The following STAT5B variants were observed in gnomAD, a reference collection of about 807,000 sequenced individuals.
STAT5B encodes the protein transcription factor STAT5B.
STAT5B carries 21 observed loss-of-function variants against 107.8 expected under a neutral mutation model. The ratio of observed to expected loss-of-function variants is 0.19; its 90% CI spans 0.14 to 0.28. The LOEUF is 0.28. STAT5B is among the 10% of genes least tolerant of loss of function. The pLI, the probability that STAT5B is intolerant of heterozygous loss-of-function variation, is 1.00. For missense variants in STAT5B, 565 were observed against 1,008.2 expected, an observed-to-expected ratio of 0.56 and a Z score of 5.95; for synonymous variants, 325 against 401.7, an observed-to-expected ratio of 0.81 and a Z score of 2.28.
intron 2 of STAT5B, 79 bp downstream of exon 2, chr17:42,231,921 C>T: frequency 6.3e-7 from 1 of 1,576,740 alleles, no homozygotes; most frequent in Non-Finnish European, 8.7e-7. Context: ...TTGAAAGTTG[C>T]CATCATGACA....
rs2080040850 is a variant in STAT5B, at chr17:42,201,201, AGG to A, written c.*535_*536del. Reference sequence around the variant, plus strand: ...AGAACACAGGGGTGGGGGAGAGGGAAGGCTCTCTTTGTCAAAAAGCAGTTATC... The same window carrying A: ...AGAACACAGGGGTGGGGGAGAGGGAACTCTCTTTGTCAAAAAGCAGTTATC... On this transcript the variant is annotated 3_prime_UTR_variant, in exon 19 of 19. Transcript: ENST00000293328. 1.4e-5 allele frequency: 6 copies of A among 415,626 alleles called. No homozygotes were observed. Among genetic ancestry groups the A allele is most frequent in the African/African-American group, 1.0e-4 (5 of 48,944 alleles). The allele number at this position is 415,626 out of a possible 1,614,324, so 25.7% of individuals were successfully genotyped here.
intron 1 of STAT5B, among the ~76,000 whole-genome samples, chr17:42,253,386 AAAGT>A (rs1476033817): frequency 6.6e-6 from 1 of 152,238 alleles, no homozygotes; most frequent in East Asian, 1.9e-4. Context: ...AAAGAAAACC[AAAGT>A]AAGTGCCAAT....
At position 42,202,768 on chromosome 17, in the gene STAT5B, T is replaced by C. The variant is rs777259731; in HGVS notation, c.2118A>G (p.Gln706=). 22 of 1,614,020 alleles carry C rather than the reference T, an allele frequency of 1.4e-5. No individual in the cohort carries two copies. The Middle Eastern group carries it at 6.6e-4, about 49-fold the overall frequency. The change falls in exon 17 of 19, where the codon CAA becomes CAG. Residue 706 remains glutamine, a synonymous_variant. Coordinates refer to ENST00000293328, the MANE Select transcript of STAT5B (RefSeq NM_012448.4). The stretch of plus-strand genomic sequence containing the variant: ...ACCTGGACACTTACTCAGGGACCAC[T>C]TGCTTGATCTGTGGCTTCACGTATC... ...VDGYVKPQIK[Q]VVPEFVNASA...
intron 1 of STAT5B, among the ~76,000 whole-genome samples, chr17:42,242,913 A>T (rs2080416551): frequency 6.6e-6 from 1 of 152,080 alleles, no homozygotes; most frequent in Non-Finnish European, 1.5e-5. Flanking sequence ...TGTTAAACAG[A>T]TGCTTGAAGG....
intron 12 of STAT5B, among the ~76,000 whole-genome samples, chr17:42,212,589 C>T (rs1356196465): frequency 2.0e-5 from 3 of 152,170 alleles, no homozygotes; most frequent in African/African-American, 4.8e-5. Flanking sequence ...GCACACGTGT[C>T]GGCATGTGTG....
At chr17:42,214,140 C>G (rs2080152341) in intron 12 of STAT5B, 2 of 893,838 alleles carry the variant, frequency 2.2e-6, no homozygotes, top group South Asian at 1.0e-4. Flanking sequence ...AAGACTCTGT[C>G]TCAAAAAAAT....
At chr17:42,240,333 T>G (rs1322023602) in intron 1 of STAT5B, among the ~76,000 whole-genome samples, 1 of 152,208 alleles carries the variant, frequency 6.6e-6, no homozygotes, top group East Asian at 1.9e-4. Context: ...AGGAATGAAG[T>G]ACTGACGCAT....
intron 4 of STAT5B, among the ~76,000 whole-genome samples, chr17:42,224,298 C>T (rs140015518): frequency 4.5e-4 from 68 of 152,124 alleles, no homozygotes; most frequent in African/African-American, 1.6e-3. Context: ...TGGTTGCAAT[C>T]TCATCAAGGT....
Position 42,201,550 on chromosome 17 carries a change from A to T in STAT5B, c.*188T>A, listed in dbSNP as rs934438783. 1 of 667,968 alleles carries T rather than the reference A, an allele frequency of 1.5e-6. No homozygotes were observed. Among genetic ancestry groups the T allele is most frequent in the Admixed American group, 2.1e-5 (1 of 48,496 alleles). The allele number at this position is 667,968 out of a possible 1,614,324, so 41.4% of individuals were successfully genotyped here. ...CACACACACACACACACACACACAC[A>T]CACAAACACATACTCGCACTCCCTT... On this transcript the variant is annotated 3_prime_UTR_variant, in exon 19 of 19. Transcript: ENST00000293328.
At chr17:42,275,938 G>A (rs8075982) in intron 1 of STAT5B, among the ~76,000 whole-genome samples, 7,081 of 152,024 alleles carry the variant, frequency 0.047, 511 homozygotes, top group African/African-American at 0.16. Context: ...TGGGGTCGGC[G>A]CGGGGTCCCC....
intron 2 of STAT5B, among the ~76,000 whole-genome samples, chr17:42,228,697 C>T (rs148794353): frequency 0.058 from 8,830 of 152,148 alleles, 828 homozygotes; most frequent in African/African-American, 0.2. Flanking sequence ...TTTGGGAGGC[C>T]GAGGCAGGCG....
At chr17:42,223,588 T>C (rs755333518) in intron 4 of STAT5B, 32 bp from the exon 5 acceptor site, 1 of 1,609,992 alleles carries the variant, frequency 6.2e-7, no homozygotes, top group Non-Finnish European at 8.5e-7. Flanking sequence ...TGCAAGGCAG[T>C]GCGAATGGGA....
chr17:42,275,668 G>A (rs955606310), intron 1 of STAT5B: 2 of 152,030 alleles, frequency 1.3e-5, no homozygotes, highest in Non-Finnish European at 2.9e-5. Context: ...CAGGCCTGGC[G>A]GGTCCTGATG....
chr17:42,258,899 A>C (rs2080570256), intron 1 of STAT5B, among the ~76,000 whole-genome samples: 1 of 152,166 alleles, frequency 6.6e-6, no homozygotes, highest in Admixed American at 6.5e-5. Flanking sequence ...ATCTCCTAAG[A>C]CTACAGCAAA....
chr17:42,234,507 A>G (rs2080342036), intron 1 of STAT5B: 2 of 152,242 alleles, frequency 1.3e-5, no homozygotes, highest in African/African-American at 4.8e-5. Flanking sequence ...CAAATAAATC[A>G]TATCGCAAGA....
rs1485266731 is a variant in STAT5B, at chr17:42,219,692, A to G, written c.681+20T>C. ...ACTTCATGGCACCCACGCCCAGGAG[A>G]GGCCCAGGACCCCACTCACCACGCG... On this transcript the variant is annotated intron_variant, in intron 6 of 18. Transcript: ENST00000293328. The G allele has an allele frequency of 6.3e-7, 1 of 1,593,098 alleles. No homozygotes were observed. The highest frequency in any genetic ancestry group is 8.5e-7 in the Non-Finnish European group (1 of 1,171,368).
intron 1 of STAT5B, among the ~76,000 whole-genome samples, chr17:42,254,045 G>A (rs1364066088): frequency 1.3e-5 from 2 of 152,078 alleles, no homozygotes; most frequent in East Asian, 3.9e-4. Flanking sequence ...TCTGCCCAAT[G>A]TAAATGAGCA....
intron 9 of STAT5B, 24 bp downstream of exon 9, chr17:42,218,126 GA>G: frequency 6.2e-7 from 1 of 1,610,538 alleles, no homozygotes; most frequent in South Asian, 1.1e-5. Context: ...AAGTAGCAGG[GA>G]ATGAGAGGAA....
intron 16 of STAT5B, among the ~76,000 whole-genome samples, chr17:42,204,191 C>T (rs1257181713): frequency 1.3e-5 from 2 of 152,158 alleles, no homozygotes; most frequent in African/African-American, 2.4e-5. Context: ...CTTTGCTTCC[C>T]ACAGAATCCC....
Sources: allele counts gnomAD v4.1 joint callset (sites outside exome capture counted in the v4.1 genomes callset), GRCh38; gene constraint gnomAD v4.1.1; transcripts MANE v1.5; gene names NCBI Gene and HGNC (gene_info 2026-07-23, HGNC 2026-07-21).